Variants in LRRC1 observed in about 807,000 individuals in gnomAD.
The protein encoded by LRRC1 is leucine rich repeat containing 1.
A neutral mutation model predicts 69.9 loss-of-function variants in LRRC1; 28 were observed. The observed-to-expected ratio is 0.40, with a 90% CI of 0.30 to 0.55. The LOEUF (loss-of-function observed/expected upper bound fraction) is 0.55. Ranked by LOEUF, LRRC1 falls within the 20% of genes least tolerant of loss-of-function variation. The probability of loss-of-function intolerance (pLI) is 0.47; values close to 1 mark genes in which losing one functional copy is unlikely to be tolerated. For synonymous variants in LRRC1, 236 were observed against 240.2 expected (o/e 0.98, Z 0.16); for missense variants, 498 against 609.0 (o/e 0.82, Z 1.92).
chr6:53,899,643 C>A, intron 7 of LRRC1, 104 bp from the exon 8 acceptor site: 1 of 1,140,794 alleles, frequency 8.8e-7, no homozygotes, highest in Middle Eastern at 2.8e-4. Context: ...AGATAACATC[C>A]TTAGGACCGC....
chr6:53,857,074 T>C (rs536851511), intron 2 of LRRC1, among the ~76,000 whole-genome samples: 2 of 152,240 alleles, frequency 1.3e-5, no homozygotes, highest in African/African-American at 4.8e-5. Flanking sequence ...TTGGAGTATC[T>C]AGATGGAGCT....
intron 1 of LRRC1, among the ~76,000 whole-genome samples, chr6:53,822,240 G>C (rs1765138156): frequency 6.6e-6 from 1 of 152,164 alleles, no homozygotes; most frequent in Non-Finnish European, 1.5e-5. Context: ...TGAAGGCTCA[G>C]ATGCCAGAGA....
Position 53,899,672 on chromosome 6 carries a change from A to AAATT in LRRC1, c.643-73_643-72insTTAA. ...GGACCGCCCTGGGATTTAATTGTGA[A>AAATT]AAATCACTGGAACAAATGCCTCTGC... On this transcript the variant is annotated intron_variant, in intron 7 of 13. Coordinates refer to ENST00000370888, the MANE Select transcript of LRRC1 (RefSeq NM_018214.5). The AAATT allele has an allele frequency of 2.1e-6, 3 of 1,454,826 alleles. No homozygotes were observed. The Admixed American group carries it at 6.1e-5, about 29-fold the overall frequency. The allele number at this position is 1,454,826 out of a possible 1,614,324, so 90.1% of individuals were successfully genotyped here.
chr6:53,920,527 T>C, intron 12 of LRRC1, 98 bp from the exon 13 acceptor site: 1 of 1,348,978 alleles, frequency 7.4e-7, no homozygotes, highest in East Asian at 2.3e-5. Context: ...CTACCCCTGG[T>C]CCTCCGTATA....
chr6:53,849,248 T>C lies in LRRC1; in HGVS notation c.277+7021T>C, dbSNP rs145123767. ...CCCTCCCTAGCTCATTCATTCACTT[T>C]ATCCGTACATGCTACGCTCTGTGTT... On this transcript the variant is annotated intron_variant, in intron 2 of 13. Coordinates refer to ENST00000370888, the MANE Select transcript of LRRC1 (RefSeq NM_018214.5). Among the ~76,000 whole-genome samples, 422 of 152,340 alleles carry C rather than the reference T, an allele frequency of 2.8e-3. 3 individuals are homozygous for C. Among genetic ancestry groups the C allele is most frequent in the African/African-American group, 9.6e-3 (398 of 41,572 alleles).
chr6:53,795,038 C>G lies in LRRC1; in HGVS notation c.-219C>G, dbSNP rs1274983300. The G allele has an allele frequency of 4.9e-6, 2 of 404,456 alleles. No individual in the cohort carries two copies. Among genetic ancestry groups the G allele is most frequent in the Admixed American group, 4.6e-5 (1 of 21,962 alleles). 25.1% of individuals were successfully genotyped at this position (404,456 alleles called of 1,614,324 possible). A position where few individuals can be genotyped will look rare whatever the true frequency, so the allele number is the denominator to read the frequency against. On this transcript the variant is annotated 5_prime_UTR_variant, in exon 1 of 14. Transcript: ENST00000370888. ...CGACTGGCGGGTGGGAGTGGAGGCACCGGCTGGCGGGCGGGGGTACAGGGA... is the reference window on the plus strand; with the variant it reads ...CGACTGGCGGGTGGGAGTGGAGGCAGCGGCTGGCGGGCGGGGGTACAGGGA...
intron 1 of LRRC1, among the ~76,000 whole-genome samples, chr6:53,811,703 G>C (rs1246389230): frequency 4.6e-5 from 7 of 152,160 alleles, no homozygotes; most frequent in Admixed American, 4.6e-4. Context: ...TTTTTTTTAA[G>C]TCACACTTTA....
chr6:53,840,163 G>A (rs1765726559), intron 1 of LRRC1, among the ~76,000 whole-genome samples: 1 of 152,172 alleles, frequency 6.6e-6, no homozygotes, highest in Admixed American at 6.5e-5. Flanking sequence ...GGAGTCCTGA[G>A]AAAGGTGCAA....
intron 2 of LRRC1, among the ~76,000 whole-genome samples, chr6:53,846,436 G>A (rs1765946725): frequency 6.6e-6 from 1 of 152,208 alleles, no homozygotes; most frequent in Admixed American, 6.5e-5. Context: ...CGGAGCCCTG[G>A]CTCTGCTGTC....
chr6:53,809,430 C>G (rs1764727646), intron 1 of LRRC1, among the ~76,000 whole-genome samples: 1 of 152,114 alleles, frequency 6.6e-6, no homozygotes, highest in Non-Finnish European at 1.5e-5. Context: ...TATTTATGCC[C>G]CACACCGCTG....
chr6:53,877,282 C>T (rs6908101), intron 2 of LRRC1, among the ~76,000 whole-genome samples: 37,261 of 151,956 alleles, frequency 0.25, 4,970 homozygotes, highest in Middle Eastern at 0.34. Flanking sequence ...GACCCTGGAC[C>T]GGGCCCAGGA....
At chr6:53,895,004 G>A (rs922010022) in intron 4 of LRRC1, among the ~76,000 whole-genome samples, 6 of 149,876 alleles carry the variant, frequency 4.0e-5, no homozygotes, top group African/African-American at 7.4e-5. Context: ...TGCAAGCTCC[G>A]CCTTCCAGGT....
At chr6:53,888,656 T>C (rs1193797489) in intron 4 of LRRC1, among the ~76,000 whole-genome samples, 1 of 152,146 alleles carries the variant, frequency 6.6e-6, no homozygotes, top group Non-Finnish European at 1.5e-5. Flanking sequence ...GGGAAAACTA[T>C]GAACATACAA....
intron 1 of LRRC1, among the ~76,000 whole-genome samples, chr6:53,811,647 T>C (rs991656018): frequency 1.3e-5 from 2 of 152,246 alleles, no homozygotes; most frequent in African/African-American, 4.8e-5. Flanking sequence ...AGCTAGGCAG[T>C]TAAACAGATT....
At chr6:53,910,917 C>T (rs1322866339) in intron 10 of LRRC1, among the ~76,000 whole-genome samples, 2 of 152,206 alleles carry the variant, frequency 1.3e-5, no homozygotes, top group African/African-American at 2.4e-5. Flanking sequence ...TTGTGCCATC[C>T]CTTCCTGGCT....
chr6:53,878,692 T>C (rs958971498), intron 2 of LRRC1, among the ~76,000 whole-genome samples: 1 of 152,180 alleles, frequency 6.6e-6, no homozygotes, highest in Admixed American at 6.5e-5. Flanking sequence ...TCCTCACAGG[T>C]ACTGGTTTGT....
chr6:53,899,902 G>A lies in LRRC1; in HGVS notation c.787+11G>A. 1 of 1,612,702 alleles carries A rather than the reference G, an allele frequency of 6.2e-7. No homozygotes were observed. The highest frequency in any genetic ancestry group is 8.5e-7 in the Non-Finnish European group (1 of 1,179,244). Reference sequence around the variant, plus strand: ...TTCCGGATGGCATTGGTAAGCATTGGAAATCACTAACTGCTAAACATACTG... The same window carrying A: ...TTCCGGATGGCATTGGTAAGCATTGAAAATCACTAACTGCTAAACATACTG... On this transcript the variant is annotated intron_variant, in intron 8 of 13. Coordinates refer to ENST00000370888, the MANE Select transcript of LRRC1 (RefSeq NM_018214.5).
chr6:53,920,961 GT>G lies in LRRC1; in HGVS notation c.1416+211del, dbSNP rs201940946. Reference sequence around the variant, plus strand: ...TAAATGAGGCAAATGGAACTCATGGGTTTTTTTTTTTCTTCTTCTTTTTTGA... The same window carrying G: ...TAAATGAGGCAAATGGAACTCATGGGTTTTTTTTTTCTTCTTCTTTTTTGA... On this transcript the variant is annotated intron_variant, in intron 13 of 13. Transcript: ENST00000370888. Among the ~76,000 whole-genome samples the G allele has an allele frequency of 5.8e-4, 86 of 147,714 alleles. 2 individuals carry two copies. Among genetic ancestry groups the G allele is most frequent in the Middle Eastern group, 3.5e-3 (1 of 284 alleles).
rs1285456491 is a variant in LRRC1 at position 53,920,705 on chromosome 6, A to G, written c.1360A>G (p.Arg454Gly). The change falls in exon 13 of 14, where the codon AGA becomes GGA. Residue 454 changes from arginine (R) to glycine (G), a missense_variant. Arg to Gly is a moderately radical substitution (Grantham distance 125). Around this residue, in one of 3 missense-constraint regions of LRRC1, gnomAD observed 162 missense variants for 162.9 expected, o/e 0.99. Transcript: ENST00000370888. ...DEAWNERAVN[R>G]VSAIRFVEDE... is the part of the protein sequence containing the mutation. ...AGCCTGGAACGAGCGTGCTGTCAAC[A>G]GAGTCAGTGCGATCCGATTTGTGGA... is the stretch of plus-strand genomic sequence containing the variant. 2.5e-6 allele frequency: 4 copies of G among 1,614,218 alleles called. No homozygotes were observed. Among genetic ancestry groups the G allele is most frequent in the Admixed American group, 1.7e-5 (1 of 60,030 alleles).
Sources: allele counts gnomAD v4.1 joint callset (sites outside exome capture counted in the v4.1 genomes callset), GRCh38; gene constraint gnomAD v4.1.1; regional missense constraint gnomAD v4.1.1; transcripts MANE v1.5; gene names NCBI Gene and HGNC (gene_info 2026-07-23, HGNC 2026-07-21).